FCRL5: variants seen among roughly 807,000 people sequenced by gnomAD.
The protein encoded by FCRL5 is Fc receptor-like protein 5.
A neutral mutation model predicts 92.1 loss-of-function variants in FCRL5; 79 were observed. The ratio of observed to expected loss-of-function variants is 0.86; its 90% CI spans 0.72 to 1.03. The LOEUF is 1.03. FCRL5 is among the 50% of genes least tolerant of loss of function. The pLI, the probability that FCRL5 is intolerant of heterozygous loss-of-function variation, is 0.00. For missense variants in FCRL5, 1,160 were observed against 1,181.1 expected (o/e 0.98, Z 0.26); for synonymous variants, 466 against 469.3 (o/e 0.99, Z 0.09).
intron 10 of FCRL5, 62 bp from the exon 11 acceptor site, chr1:157,521,354 G>T: frequency 6.6e-7 from 1 of 1,508,942 alleles, no homozygotes; most frequent in Non-Finnish European, 8.9e-7. Context: ...AGAAACAAAA[G>T]GTATCATAAA....
chr1:157,546,737 C>T (rs1651557751), intron 3 of FCRL5, among the ~76,000 whole-genome samples: 1 of 152,178 alleles, frequency 6.6e-6, no homozygotes, highest in African/African-American at 2.4e-5. Context: ...AGTAAAAATT[C>T]TATTTATTTT....
chr1:157,544,161 C>T (rs1651407109), intron 5 of FCRL5, 101 bp downstream of exon 5: 50 of 1,229,854 alleles, frequency 4.1e-5, no homozygotes, highest in Non-Finnish European at 5.4e-5. Flanking sequence ...CTCACAGGTA[C>T]GAGTTTTTTC....
chr1:157,545,120 C>A (rs2101643844), intron 3 of FCRL5, 38 bp from the exon 4 acceptor site: 2 of 1,570,416 alleles, frequency 1.3e-6, no homozygotes, highest in Non-Finnish European at 1.7e-6. Flanking sequence ...GTTCATCCTA[C>A]TGTTTCCCCT....
In FCRL5 at chr1:157,520,487, A is replaced by G; in HGVS notation, c.2576T>C (p.Ile859Thr). Reference protein sequence around the residue: ...ATGVAGGLLSIAGLAAGALLL... With the variant: ...ATGVAGGLLSTAGLAAGALLL... ...CAGTGCCCCCGCAGCAAGGCCTGCT[A>G]TGCTGAGCAGGCCCCCGGCGACTCC... Residue 859 changes from isoleucine to threonine, a missense_variant, in exon 12 of 17, where the codon ATA becomes ACA. By Grantham distance (89) the Ile-to-Thr change is moderately conservative. Coordinates refer to ENST00000361835, the MANE Select transcript of FCRL5 (RefSeq NM_031281.3). 6.3e-7 allele frequency: 1 copy of G among 1,575,662 alleles called. No individual in the cohort carries two copies. The highest frequency in any genetic ancestry group is 8.6e-7 in the Non-Finnish European group (1 of 1,160,278).
At chr1:157,519,418 T>C (rs3811034) in intron 13 of FCRL5, among the ~76,000 whole-genome samples, 19,796 of 152,194 alleles carry the variant, frequency 0.13, 3,702 homozygotes, top group African/African-American at 0.42. Context: ...TTGACTGAGC[T>C]AAGGTCATCT....
intron 8 of FCRL5, 184 bp downstream of exon 8, chr1:157,534,430 T>C (rs1650840957): frequency 9.6e-6 from 7 of 731,844 alleles, no homozygotes; most frequent in South Asian, 7.4e-5. Context: ...TGAGCTGTTT[T>C]AGGGGTCTGG....
chr1:157,527,927 A>G (rs759851436), intron 8 of FCRL5, 32 bp from the exon 9 acceptor site: 2 of 1,511,964 alleles, frequency 1.3e-6, no homozygotes, highest in Non-Finnish European at 1.8e-6. Flanking sequence ...GGACACATGT[A>G]TTTTTAAAAT....
rs1649834448 is a variant in FCRL5, at chr1:157,514,414, A to G, written c.*1261T>C. The stretch of plus-strand genomic sequence containing the variant: ...TTTCCGCTTCCCAGGGTGGCTGATG[A>G]AAGCCAACATGTCACAGAGAAGAAG... On this transcript the variant is annotated 3_prime_UTR_variant, in exon 17 of 17. Coordinates refer to ENST00000361835, the MANE Select transcript of FCRL5 (RefSeq NM_031281.3). 1 of 152,250 alleles carries G rather than the reference A, an allele frequency of 6.6e-6. No homozygotes were observed. Among genetic ancestry groups the G allele is most frequent in the Non-Finnish European group, 1.5e-5 (1 of 68,056 alleles). 9.4% of individuals were successfully genotyped at this position (152,250 alleles called of 1,614,324 possible). A position where few individuals can be genotyped will look rare whatever the true frequency, so the allele number is the denominator to read the frequency against.
At position 157,524,294 on chromosome 1, in the gene FCRL5, T is replaced by C. The variant is rs1477947285; in HGVS notation, c.2224A>G (p.Thr742Ala). ...GCCCACTCACCTGCAACTTTCAGTG[T>C]CACCATCTCACTGCGCTGGGCCTCC... Reference protein sequence around the residue: ...GLEAQRSEMVTLKVAVPVSRP... With the variant: ...GLEAQRSEMVALKVAVPVSRP... Residue 742 changes from threonine to alanine, a missense_variant, in exon 10 of 17, where the codon ACA becomes GCA. Thr to Ala is a moderately conservative substitution (Grantham distance 58). Coordinates refer to ENST00000361835, the MANE Select transcript of FCRL5 (RefSeq NM_031281.3). 1 of 1,614,162 alleles carries C rather than the reference T, an allele frequency of 6.2e-7. No individual in the cohort carries two copies. Among genetic ancestry groups the C allele is most frequent in the Non-Finnish European group, 8.5e-7 (1 of 1,180,060 alleles).
intron 8 of FCRL5, chr1:157,534,169 C>A (rs1650825492): frequency 5.0e-6 from 2 of 396,140 alleles, no homozygotes; most frequent in South Asian, 2.6e-5. Context: ...TCCTAGGGAG[C>A]CATTTCCCCC....
chr1:157,528,420 A>G (rs1245509272), intron 8 of FCRL5: 1 of 152,216 alleles, frequency 6.6e-6, no homozygotes, highest in Admixed American at 6.5e-5. Context: ...TGCAATTCCC[A>G]TCAAAATACC....
At position 157,518,767 on chromosome 1, in the gene FCRL5, C is replaced by CGAGT. The variant is rs1650050325; in HGVS notation, c.2672_2675dup (p.Asp893LeufsTer23). On this transcript the variant is annotated frameshift_variant, in exon 14 of 17. Transcript: ENST00000361835. LOFTEE classifies it high-confidence loss of function. ...TGTGATAGGTGGGCTCTTGGGAGTCCGAGTCTGAAGGGCTCCTGTGAGACA... is the reference window on the plus strand; with the variant it reads ...TGTGATAGGTGGGCTCTTGGGAGTCCGAGTGAGTCTGAAGGGCTCCTGTGAGACA... The CGAGT allele has an allele frequency of 1.2e-6, 2 of 1,612,822 alleles. No individual in the cohort carries two copies. The highest frequency in any genetic ancestry group is 1.7e-6 in the Non-Finnish European group (2 of 1,179,714).
Position 157,515,777 on chromosome 1 carries a change from A to G in FCRL5, c.2845-13T>C. The G allele has an allele frequency of 1.9e-6, 3 of 1,612,170 alleles. No individual in the cohort carries two copies. The highest frequency in any genetic ancestry group is 2.5e-6 in the Non-Finnish European group (3 of 1,179,310). On this transcript the variant is annotated splice_polypyrimidine_tract_variant and intron_variant, in intron 16 of 16. Coordinates refer to ENST00000361835, the MANE Select transcript of FCRL5 (RefSeq NM_031281.3). ...TGATAGGGGAACCCTAGGAGGCAAGAGCACATGCGTGAGGACCAGGGTGGG... is the reference window on the plus strand; with the variant it reads ...TGATAGGGGAACCCTAGGAGGCAAGGGCACATGCGTGAGGACCAGGGTGGG...
chr1:157,542,814 G>A, intron 6 of FCRL5, 45 bp downstream of exon 6: 2 of 1,585,096 alleles, frequency 1.3e-6, no homozygotes, highest in Admixed American at 1.7e-5. Context: ...GGTGAGGCAG[G>A]ACTCTTGGCC....
At chr1:157,527,075 A>G (rs1053413430) in intron 9 of FCRL5, among the ~76,000 whole-genome samples, 1 of 152,146 alleles carries the variant, frequency 6.6e-6, no homozygotes, top group Non-Finnish European at 1.5e-5. Context: ...ACAAGGATGC[A>G]TGGAAGATCT....
chr1:157,518,792 A>C lies in FCRL5; in HGVS notation c.2661-10T>G. 6.2e-7 allele frequency: 1 copy of C among 1,604,458 alleles called. No individual in the cohort carries two copies. Among genetic ancestry groups the C allele is most frequent in the Non-Finnish European group, 8.5e-7 (1 of 1,173,908 alleles). ...CGAGTCTGAAGGGCTCCTGTGAGACAGAGAAATGTGAATGTTTCTTAGGAA... is the reference window on the plus strand; with the variant it reads ...CGAGTCTGAAGGGCTCCTGTGAGACCGAGAAATGTGAATGTTTCTTAGGAA... On this transcript the variant is annotated splice_polypyrimidine_tract_variant and intron_variant, in intron 13 of 16. Coordinates refer to ENST00000361835, the MANE Select transcript of FCRL5 (RefSeq NM_031281.3).
At chr1:157,527,958 A>T (rs1285685645) in intron 8 of FCRL5, 63 bp from the exon 9 acceptor site, 40 of 1,463,246 alleles carry the variant, frequency 2.7e-5, no homozygotes, top group Non-Finnish European at 2.0e-5. Context: ...TCTTTGTCCT[A>T]GCCAGAACAA....
At chr1:157,529,508 G>C (rs1327607853) in intron 8 of FCRL5, among the ~76,000 whole-genome samples, 1 of 152,164 alleles carries the variant, frequency 6.6e-6, no homozygotes, top group Non-Finnish European at 1.5e-5. Context: ...CGTGTTTATA[G>C]CAGCACAACT....
intron 6 of FCRL5, among the ~76,000 whole-genome samples, chr1:157,539,622 G>A (rs1424194264): frequency 1.3e-5 from 2 of 152,102 alleles, no homozygotes; most frequent in African/African-American, 4.8e-5. Flanking sequence ...CCCTAAAATG[G>A]TTCTGTTTTA....
Sources: gnomAD v4.1 joint callset for allele counts (sites outside exome capture counted in the v4.1 genomes callset) on GRCh38, gnomAD v4.1.1 for gene constraint, MANE v1.5 for transcripts, NCBI Gene and HGNC (gene_info 2026-07-23, HGNC 2026-07-21) for gene names.